MTMR7: variants seen among roughly 807,000 people sequenced by gnomAD.
MTMR7 encodes the protein myotubularin related protein 7.
Under a neutral mutation model 81.2 loss-of-function variants are expected in MTMR7, and 76 were observed. The ratio of observed to expected loss-of-function variants is 0.94; its 90% CI spans 0.78 to 1.13. MTMR7 has a LOEUF of 1.13. MTMR7 is among the 50% of genes most tolerant of loss of function. The pLI, the probability that MTMR7 is intolerant of heterozygous loss-of-function variation, is 0.00. For missense variants in MTMR7, 1,044 were observed against 820.0 expected, an observed-to-expected ratio of 1.27 and a Z score of -3.34; for synonymous variants, 372 against 289.8, an observed-to-expected ratio of 1.28 and a Z score of -2.88.
intron 13 of MTMR7, among the ~76,000 whole-genome samples, chr8:17,301,187 A>G (rs1485968077): frequency 6.6e-6 from 1 of 152,242 alleles, no homozygotes; most frequent in African/African-American, 2.4e-5. Flanking sequence ...AGAGATAGAT[A>G]AATACAGACC....
At chr8:17,315,491 T>C (rs1818018156) in intron 7 of MTMR7, among the ~76,000 whole-genome samples, 1 of 152,156 alleles carries the variant, frequency 6.6e-6, no homozygotes, top group South Asian at 2.1e-4. Context: ...TGTGCCAATG[T>C]AGGTGCACTG....
intron 12 of MTMR7, 151 bp downstream of exon 12, chr8:17,304,228 C>T (rs952300071): frequency 5.1e-6 from 4 of 779,768 alleles, no homozygotes; most frequent in East Asian, 5.7e-5. Flanking sequence ...GCAAAAATAC[C>T]AGATCAGATA....
Position 17,300,273 on chromosome 8 carries a change from T to C in MTMR7, c.1621-49A>G, listed in dbSNP as rs541240215. On this transcript the variant is annotated intron_variant, in intron 13 of 13. Transcript: ENST00000180173. The stretch of plus-strand genomic sequence containing the variant: ...GGGGAAAAATCATAAATAACTTATC[T>C]TTTTCTATATATGCATGTCTTTAGC... The C allele has an allele frequency of 1.2e-3, 1,780 of 1,543,144 alleles. 32 individuals are homozygous for C. The South Asian group carries it at 0.021, about 18-fold the overall frequency.
Position 17,413,322 on chromosome 8 carries a change from G to A in MTMR7, c.-30C>T, listed in dbSNP as rs1387165179. On this transcript the variant is annotated 5_prime_UTR_variant, in exon 1 of 14. Transcript: ENST00000180173. Reference sequence around the variant, plus strand: ...GGCCCACGTCTGCAGGGTCCCGGGCGGGCGCGGCCTCACGCACCTGCGCGC... The same window carrying A: ...GGCCCACGTCTGCAGGGTCCCGGGCAGGCGCGGCCTCACGCACCTGCGCGC... The A allele has an allele frequency of 5.2e-6, 8 of 1,526,318 alleles. No individual in the cohort carries two copies. The highest frequency in any genetic ancestry group is 1.2e-5 in the South Asian group (1 of 82,160). The allele number at this position is 1,526,318 out of a possible 1,614,324, so 94.5% of individuals were successfully genotyped here.
intron 1 of MTMR7, 47 bp downstream of exon 1, chr8:17,413,222 C>T (rs766464604): frequency 1.3e-6 from 2 of 1,540,032 alleles, no homozygotes; most frequent in South Asian, 1.2e-5. Flanking sequence ...TCCTCCTCCT[C>T]CCCCATCTCC....
At chr8:17,353,668 G>A (rs1418328811) in intron 4 of MTMR7, among the ~76,000 whole-genome samples, 1 of 152,162 alleles carries the variant, frequency 6.6e-6, no homozygotes, top group African/African-American at 2.4e-5. Context: ...AAGTTCAGAG[G>A]AATGGAAAAT....
intron 8 of MTMR7, among the ~76,000 whole-genome samples, chr8:17,312,845 A>C (rs940270472): frequency 2.6e-5 from 4 of 152,194 alleles, no homozygotes; most frequent in African/African-American, 9.6e-5. Flanking sequence ...ATTGCATTCT[A>C]AAACAGCTTA....
chr8:17,340,259 C>A (rs191081822), intron 6 of MTMR7, among the ~76,000 whole-genome samples: 3 of 152,344 alleles, frequency 2.0e-5, no homozygotes, highest in Admixed American at 2.0e-4. Flanking sequence ...AGCCCCAATT[C>A]TTTTAACAAG....
intron 1 of MTMR7, among the ~76,000 whole-genome samples, chr8:17,400,476 G>A (rs1185493016): frequency 2.0e-5 from 3 of 152,184 alleles, no homozygotes; most frequent in Non-Finnish European, 4.4e-5. Flanking sequence ...ATGCAGTTTA[G>A]GATCCCAGCG....
At chr8:17,397,878 G>A (rs1248772370) in intron 1 of MTMR7, among the ~76,000 whole-genome samples, 1 of 152,168 alleles carries the variant, frequency 6.6e-6, no homozygotes, top group East Asian at 1.9e-4. Flanking sequence ...AGCAAAGAGA[G>A]AATACATTTG....
At chr8:17,368,176 A>G (rs367763075) in intron 3 of MTMR7, among the ~76,000 whole-genome samples, 2 of 152,100 alleles carry the variant, frequency 1.3e-5, no homozygotes, top group Admixed American at 1.3e-4. Context: ...TACGGTTCAC[A>G]ATAGAGTTCA....
chr8:17,384,288 G>A (rs2150574139), intron 1 of MTMR7, among the ~76,000 whole-genome samples: 2 of 152,266 alleles, frequency 1.3e-5, no homozygotes, highest in South Asian at 4.2e-4. Flanking sequence ...GCAGGCACCT[G>A]TAGGCCCAGC....
At chr8:17,311,174 A>C (rs759477801) in intron 9 of MTMR7, among the ~76,000 whole-genome samples, 1 of 152,228 alleles carries the variant, frequency 6.6e-6, no homozygotes, top group African/African-American at 2.4e-5. Flanking sequence ...CTTCTGTTAC[A>C]TATTCATGTT....
intron 1 of MTMR7, among the ~76,000 whole-genome samples, chr8:17,388,321 G>GA (rs1364595442): frequency 6.6e-6 from 1 of 151,930 alleles, no homozygotes; most frequent in Non-Finnish European, 1.5e-5. Context: ...AGGAAAAGAA[G>GA]AAAAAAGAGG....
At chr8:17,306,230 A>G (rs1028997192) in intron 10 of MTMR7, among the ~76,000 whole-genome samples, 2 of 152,226 alleles carry the variant, frequency 1.3e-5, no homozygotes, top group African/African-American at 4.8e-5. Context: ...CACTTTCCAC[A>G]GAAAAAGGGC....
Position 17,356,650 on chromosome 8 carries a change from G to A in MTMR7, c.468+4467C>T, listed in dbSNP as rs192963501. Among the ~76,000 whole-genome samples the A allele has an allele frequency of 6.8e-3, 1,032 of 152,108 alleles. 6 individuals are homozygous for A. The highest frequency in any genetic ancestry group is 0.044 in the Middle Eastern group (13 of 294). ...AATTGCTTGAACCCAGGAGGCAGAG[G>A]TTACAGTGAGCTGAGATCGCCCCAC... On this transcript the variant is annotated intron_variant, in intron 4 of 13. Coordinates refer to ENST00000180173, the MANE Select transcript of MTMR7 (RefSeq NM_004686.5).
intron 7 of MTMR7, among the ~76,000 whole-genome samples, chr8:17,321,688 A>G (rs1818395719): frequency 6.6e-6 from 1 of 152,226 alleles, no homozygotes; most frequent in African/African-American, 2.4e-5. Context: ...ACCCAAACCA[A>G]TATTTACAAA....
chr8:17,341,494 A>T lies in MTMR7; in HGVS notation c.601T>A (p.Ser201Thr). ...AGGGGCTGGCTGCTCCGGCAGATGG[A>T]GGCCTAGGGGGAGAGGTCACAGCAA... ...LSYYYKDNHASICRSSQPLSG... is the reference protein window; with the variant it reads ...LSYYYKDNHATICRSSQPLSG... Residue 201 changes from serine to threonine, a missense_variant, in exon 6 of 14, where the codon TCC becomes ACC. By Grantham distance (58) the Ser-to-Thr change is moderately conservative. Transcript: ENST00000180173. 1.9e-6 allele frequency: 3 copies of T among 1,613,578 alleles called. No homozygotes were observed. Among genetic ancestry groups the T allele is most frequent in the Admixed American group, 1.7e-5 (1 of 60,026 alleles).
intron 12 of MTMR7, among the ~76,000 whole-genome samples, chr8:17,303,348 A>G (rs889308816): frequency 7.2e-5 from 11 of 152,188 alleles, no homozygotes; most frequent in Non-Finnish European, 1.5e-4. Context: ...ATTAGATTGA[A>G]ATAATTAAGA....
Sources: gnomAD v4.1 joint callset for allele counts (sites outside exome capture counted in the v4.1 genomes callset) on GRCh38, gnomAD v4.1.1 for gene constraint, MANE v1.5 for transcripts, NCBI Gene and HGNC (gene_info 2026-07-23, HGNC 2026-07-21) for gene names.